Variants in CDH12 observed in about 807,000 individuals in gnomAD.
CDH12 encodes cadherin-12.
A neutral mutation model predicts 74.1 loss-of-function variants in CDH12; 41 were observed. The ratio of observed to expected loss-of-function variants is 0.55; its 90% CI spans 0.43 to 0.72. CDH12 has a LOEUF of 0.72. Ranked by LOEUF, CDH12 falls within the 30% of genes least tolerant of loss-of-function variation. The probability of loss-of-function intolerance (pLI) is 0.00; values close to 1 mark genes in which losing one functional copy is unlikely to be tolerated. For missense variants in CDH12, 945 were observed against 977.2 expected (o/e 0.97, Z 0.44); for synonymous variants, 399 against 355.0 (o/e 1.12, Z -1.39).
intron 11 of CDH12, among the ~76,000 whole-genome samples, chr5:21,770,824 T>C (rs889902877): frequency 9.9e-5 from 15 of 152,088 alleles, no homozygotes; most frequent in African/African-American, 3.6e-4. Context: ...TGTCCATCAA[T>C]GGTAGACTGG....
intron 8 of CDH12, among the ~76,000 whole-genome samples, chr5:21,838,090 C>T (rs1450003551): frequency 6.6e-6 from 1 of 152,114 alleles, no homozygotes; most frequent in Non-Finnish European, 1.5e-5. Flanking sequence ...GGAATTTGAA[C>T]TTCAGATTTT....
At chr5:22,783,485 T>C (rs551240336) in intron 1 of CDH12, among the ~76,000 whole-genome samples, 7 of 152,252 alleles carry the variant, frequency 4.6e-5, no homozygotes, top group Admixed American at 2.6e-4. Flanking sequence ...TTTTCTCAGG[T>C]AGGTGAGTTA....
chr5:22,502,383 C>T (rs1041772993), intron 2 of CDH12, among the ~76,000 whole-genome samples: 7 of 152,114 alleles, frequency 4.6e-5, no homozygotes, highest in African/African-American at 7.2e-5. Context: ...CCATGTGGAA[C>T]TGTGAGTCCA....
intron 3 of CDH12, among the ~76,000 whole-genome samples, chr5:22,280,895 C>A (rs1262160412): frequency 1.3e-5 from 2 of 152,100 alleles, no homozygotes; most frequent in Non-Finnish European, 2.9e-5. Context: ...CATCCAGATA[C>A]CAAAGCCTGG....
chr5:22,249,831 A>G (rs1211980951), intron 3 of CDH12, among the ~76,000 whole-genome samples: 1 of 151,556 alleles, frequency 6.6e-6, no homozygotes, highest in South Asian at 2.1e-4. Flanking sequence ...GTTGTATTGC[A>G]TATTTTAATT....
intron 3 of CDH12, among the ~76,000 whole-genome samples, chr5:22,317,696 T>C (rs1738690570): frequency 6.6e-6 from 1 of 152,212 alleles, no homozygotes; most frequent in African/African-American, 2.4e-5. Flanking sequence ...CAAAGCATAA[T>C]ATCCAATTGC....
At chr5:21,898,117 G>A (rs1022631430) in intron 6 of CDH12, among the ~76,000 whole-genome samples, 1 of 151,960 alleles carries the variant, frequency 6.6e-6, no homozygotes, top group Non-Finnish European at 1.5e-5. Context: ...GAAATCACCA[G>A]AATAAATAAA....
rs535418373 is a variant in CDH12 at position 21,975,787 on chromosome 5, A to C, written c.232-402T>G. 5.3e-5 allele frequency among the ~76,000 whole-genome samples: 8 copies of C among 152,228 alleles called. No individual in the cohort carries two copies. In the South Asian group the frequency reaches 8.3e-4, roughly 16 times the overall value. ...ATAGCAACAGGCAAAAAAACCAACA[A>C]ATTTTGAAAATTTGTATTTAGTTCT... On this transcript the variant is annotated intron_variant, in intron 5 of 14. Coordinates refer to ENST00000382254, the MANE Select transcript of CDH12 (RefSeq NM_004061.5).
intron 8 of CDH12, among the ~76,000 whole-genome samples, chr5:21,817,889 T>A (rs536928473): frequency 2.0e-5 from 3 of 151,954 alleles, no homozygotes; most frequent in African/African-American, 4.8e-5. Context: ...AAATTTATAC[T>A]GAATCAGCAA....
intron 6 of CDH12, among the ~76,000 whole-genome samples, chr5:21,890,090 T>C (rs1176221036): frequency 6.6e-6 from 1 of 152,154 alleles, no homozygotes; most frequent in East Asian, 1.9e-4. Flanking sequence ...TCAGAAAAAT[T>C]CTGTTTTTCT....
intron 1 of CDH12, among the ~76,000 whole-genome samples, chr5:22,722,699 A>G (rs376014482): frequency 6.6e-6 from 1 of 152,202 alleles, no homozygotes; most frequent in African/African-American, 2.4e-5. Context: ...TACATCATAC[A>G]TATGTCCCCT....
At chr5:22,666,191 C>A (rs1408661859) in intron 1 of CDH12, among the ~76,000 whole-genome samples, 9 of 151,938 alleles carry the variant, frequency 5.9e-5, no homozygotes. Flanking sequence ...TTTGAACACC[C>A]TTTTTTAAGT....
At chr5:22,605,075 A>G (rs1737032189) in intron 1 of CDH12, among the ~76,000 whole-genome samples, 1 of 152,164 alleles carries the variant, frequency 6.6e-6, no homozygotes, top group Non-Finnish European at 1.5e-5. Context: ...TTCAGTAAAG[A>G]CTACCCTCTA....
At chr5:22,005,338 C>T (rs1466741228) in intron 5 of CDH12, among the ~76,000 whole-genome samples, 4 of 152,146 alleles carry the variant, frequency 2.6e-5, no homozygotes, top group East Asian at 1.9e-4. Flanking sequence ...CCACTGTGCT[C>T]GGCCCTAGTA....
At chr5:22,837,567 C>T (rs1443128804) in intron 1 of CDH12, among the ~76,000 whole-genome samples, 1 of 151,982 alleles carries the variant, frequency 6.6e-6, no homozygotes, top group Non-Finnish European at 1.5e-5. Flanking sequence ...AGGTTGTTGA[C>T]ATTTTAGTCA....
intron 5 of CDH12, among the ~76,000 whole-genome samples, chr5:22,022,707 T>C (rs1054602434): frequency 1.2e-4 from 18 of 152,200 alleles, no homozygotes; most frequent in African/African-American, 4.3e-4. Flanking sequence ...ATCTGCTTTC[T>C]ATTTAATAAT....
At chr5:22,725,718 AT>A (rs1025410481) in intron 1 of CDH12, among the ~76,000 whole-genome samples, 1 of 151,558 alleles carries the variant, frequency 6.6e-6, no homozygotes, top group African/African-American at 2.4e-5. Flanking sequence ...CAACATATGA[AT>A]TTTTTAGGGA....
intron 4 of CDH12, among the ~76,000 whole-genome samples, chr5:22,134,993 A>G (rs1450455301): frequency 6.6e-6 from 1 of 152,030 alleles, no homozygotes; most frequent in Non-Finnish European, 1.5e-5. Context: ...GTAGACCTTA[A>G]AAATCTGTCA....
chr5:22,261,029 T>C (rs540813515), intron 3 of CDH12, among the ~76,000 whole-genome samples: 8 of 150,908 alleles, frequency 5.3e-5, no homozygotes, highest in African/African-American at 1.9e-4. Context: ...TATATATACA[T>C]ACTACCTAAG....
Sources: allele counts gnomAD v4.1 joint callset (sites outside exome capture counted in the v4.1 genomes callset), GRCh38; gene constraint gnomAD v4.1.1; transcripts MANE v1.5; gene names NCBI Gene and HGNC (gene_info 2026-07-23, HGNC 2026-07-21).